Variants in PAWR observed in about 807,000 individuals in gnomAD.
PAWR encodes pro-apoptotic WT1 regulator.
A neutral mutation model predicts 32.0 loss-of-function variants in PAWR; 23 were observed. That is an observed-to-expected ratio of 0.72 (90% confidence interval 0.52 to 1.02). The LOEUF (loss-of-function observed/expected upper bound fraction) is 1.02. PAWR is among the 50% of genes least tolerant of loss of function. The probability of loss-of-function intolerance (pLI) is 0.00; values close to 1 mark genes in which losing one functional copy is unlikely to be tolerated. For synonymous variants in PAWR, 226 were observed against 187.1 expected (o/e 1.21, Z -1.70); for missense variants, 457 against 437.7 (o/e 1.04, Z -0.39).
chr12:79,659,302 A>AC (rs1478225445), intron 2 of PAWR, among the ~76,000 whole-genome samples: 7 of 152,304 alleles, frequency 4.6e-5, no homozygotes, highest in Admixed American at 3.3e-4. Flanking sequence ...TCAAAGAAAA[A>AC]AAAAAAAATC....
intron 2 of PAWR, among the ~76,000 whole-genome samples, chr12:79,646,390 A>G (rs1006954199): frequency 2.0e-5 from 3 of 152,232 alleles, no homozygotes; most frequent in Admixed American, 6.5e-5. Flanking sequence ...GACATCAGTA[A>G]TAGTCAAGAG....
chr12:79,604,435 T>A, intron 4 of PAWR: 1 of 1,029,286 alleles, frequency 9.7e-7, no homozygotes, highest in Non-Finnish European at 1.2e-6. Context: ...ATCATGAGAA[T>A]GAGATTGGCA....
chr12:79,637,464 T>G (rs778673865), intron 2 of PAWR, among the ~76,000 whole-genome samples: 1 of 151,718 alleles, frequency 6.6e-6, no homozygotes, highest in Non-Finnish European at 1.5e-5. Context: ...GCCCTAGCTT[T>G]ACCTCACCTT....
rs1004797421 is a variant in PAWR, at chr12:79,690,128, C to T, written c.117G>A (p.Pro39=). The change falls in exon 2 of 7, where the codon CCG becomes CCA. Residue 39 remains proline, a synonymous_variant. Coordinates refer to ENST00000328827, the MANE Select transcript of PAWR (RefSeq NM_002583.4). ...CGCTGCTGCCCCCTCCCGGGGGGGCCGGGCCCGGGGGGTTCTGCTTGGCGC... is the reference window on the plus strand; with the variant it reads ...CGCTGCTGCCCCCTCCCGGGGGGGCTGGGCCCGGGGGGTTCTGCTTGGCGC... ...KMRAKQNPPG[P]APPGGGSSDA... The T allele has an allele frequency of 7.3e-6, 11 of 1,505,530 alleles. No individual in the cohort carries two copies. Among genetic ancestry groups the T allele is most frequent in the Non-Finnish European group, 8.8e-6 (10 of 1,130,248 alleles). The allele number at this position is 1,505,530 out of a possible 1,614,324, so 93.3% of individuals were successfully genotyped here. A position where few individuals can be genotyped will look rare whatever the true frequency, so the allele number is the denominator to read the frequency against.
intron 2 of PAWR, among the ~76,000 whole-genome samples, chr12:79,622,433 ATCTCCT>A (rs1875068513): frequency 2.0e-5 from 3 of 152,094 alleles, no homozygotes; most frequent in Non-Finnish European, 1.5e-5. Context: ...CATTAGGTGT[ATCTCCT>A]AACGCTATCC....
At chr12:79,678,548 C>A (rs1878282813) in intron 2 of PAWR, among the ~76,000 whole-genome samples, 1 of 152,244 alleles carries the variant, frequency 6.6e-6, no homozygotes, top group South Asian at 2.1e-4. Context: ...GTCATAACTT[C>A]TTTGAGGCTC....
At chr12:79,628,428 A>T in intron 2 of PAWR, among the ~76,000 whole-genome samples, 1 of 152,192 alleles carries the variant, frequency 6.6e-6, no homozygotes, top group African/African-American at 2.4e-5. Context: ...AACACATTCA[A>T]AAGCTAGCAG....
chr12:79,610,296 G>T (rs945233935), intron 4 of PAWR, among the ~76,000 whole-genome samples: 1 of 152,274 alleles, frequency 6.6e-6, no homozygotes, highest in Non-Finnish European at 1.5e-5. Flanking sequence ...AGCATTTCTG[G>T]TGAACAAAAC....
chr12:79,633,920 C>T (rs1026628762), intron 2 of PAWR, among the ~76,000 whole-genome samples: 3 of 151,830 alleles, frequency 2.0e-5, no homozygotes, highest in African/African-American at 7.3e-5. Context: ...AACATGCCAC[C>T]TAGGATTTGC....
At chr12:79,653,991 G>A (rs1876978068) in intron 2 of PAWR, among the ~76,000 whole-genome samples, 1 of 152,142 alleles carries the variant, frequency 6.6e-6, no homozygotes, top group South Asian at 2.1e-4. Flanking sequence ...AAGCCCAGTT[G>A]GAGGTACTAC....
intron 2 of PAWR, among the ~76,000 whole-genome samples, chr12:79,632,336 TATATATATATA>T (rs1875715037): frequency 1.7e-5 from 1 of 57,580 alleles, no homozygotes; most frequent in African/African-American, 2.1e-4. Flanking sequence ...TATATATATA[TATATATATATA>T]TATATATATA....
intron 3 of PAWR, among the ~76,000 whole-genome samples, chr12:79,613,927 A>C (rs71463826): frequency 8.7e-5 from 8 of 91,506 alleles, no homozygotes; most frequent in African/African-American, 2.0e-4. Context: ...AAAAAGTACC[A>C]CCATTATATA....
chr12:79,610,472 T>C (rs1337661220), intron 4 of PAWR, among the ~76,000 whole-genome samples: 1 of 152,178 alleles, frequency 6.6e-6, no homozygotes, highest in Admixed American at 6.5e-5. Flanking sequence ...TCAAATAAAG[T>C]AGACAGAAAT....
intron 2 of PAWR, among the ~76,000 whole-genome samples, chr12:79,671,361 A>C (rs904083686): frequency 3.3e-5 from 5 of 152,232 alleles, no homozygotes; most frequent in African/African-American, 1.2e-4. Context: ...TAATCAAAAC[A>C]GGAAAGGTTT....
chr12:79,612,028 GTTTATC>G (rs1018427857), intron 4 of PAWR, among the ~76,000 whole-genome samples: 4 of 152,020 alleles, frequency 2.6e-5, no homozygotes, highest in African/African-American at 9.7e-5. Flanking sequence ...AGTTGCCACA[GTTTATC>G]TTTAGTCTCC....
chr12:79,655,417 A>G (rs1012546718), intron 2 of PAWR, among the ~76,000 whole-genome samples: 1 of 152,220 alleles, frequency 6.6e-6, no homozygotes, highest in African/African-American at 2.4e-5. Context: ...ACTTCAAACT[A>G]AAACATAGGT....
At chr12:79,620,947 T>C (rs568917885) in intron 3 of PAWR, 129 bp downstream of exon 3, 19 of 681,392 alleles carry the variant, frequency 2.8e-5, no homozygotes, top group South Asian at 1.9e-4. Context: ...AACCCACTTA[T>C]GGTAAGGAAG....
At chr12:79,610,046 G>C (rs749139986) in intron 4 of PAWR, among the ~76,000 whole-genome samples, 1 of 152,194 alleles carries the variant, frequency 6.6e-6, no homozygotes, top group Non-Finnish European at 1.5e-5. Context: ...ACGAGGGGTA[G>C]AATGCAGTGG....
At chr12:79,596,695 A>G in intron 4 of PAWR, 37 bp from the exon 5 acceptor site, 2 of 1,404,932 alleles carry the variant, frequency 1.4e-6, no homozygotes, top group Non-Finnish European at 1.9e-6. Flanking sequence ...AATCCCTAGT[A>G]TTCAGCAAGA....
Sources: allele counts gnomAD v4.1 joint callset (sites outside exome capture counted in the v4.1 genomes callset), GRCh38; gene constraint gnomAD v4.1.1; transcripts MANE v1.5; gene names NCBI Gene and HGNC (gene_info 2026-07-23, HGNC 2026-07-21).